The following NEBL variants were observed in gnomAD, a reference collection of about 807,000 sequenced individuals.
The protein encoded by NEBL is nebulette.
A neutral mutation model predicts 140.2 loss-of-function variants in NEBL; 122 were observed. That is an observed-to-expected ratio of 0.87 (90% CI 0.75 to 1.01). NEBL has a LOEUF of 1.01. NEBL is among the 50% of genes least tolerant of loss of function. The pLI is 0.00. For missense variants in NEBL, 1,365 were observed against 1,231.3 expected (o/e 1.11, Z -1.62); for synonymous variants, 436 against 398.9 (o/e 1.09, Z -1.11).
chr10:21,148,633 G>C (rs1339795256), intron 2 of NEBL, among the ~76,000 whole-genome samples: 2 of 151,896 alleles, frequency 1.3e-5, no homozygotes, highest in Non-Finnish European at 2.9e-5. Context: ...GGAAGCGATT[G>C]GCCTGCCTCA....
intron 3 of NEBL, among the ~76,000 whole-genome samples, chr10:20,978,963 T>TA (rs1304125735): frequency 4.6e-5 from 7 of 152,192 alleles, no homozygotes; most frequent in African/African-American, 1.7e-4. Flanking sequence ...ACAGTCATAT[T>TA]ACGGCATCTT....
At chr10:21,237,089 C>T (rs1285642952) in intron 3 of NEBL, among the ~76,000 whole-genome samples, 2 of 152,168 alleles carry the variant, frequency 1.3e-5, no homozygotes, top group South Asian at 2.1e-4. Flanking sequence ...TTTGTAGATC[C>T]CTCTCTACTC....
At chr10:21,212,809 G>A (rs976931568) in intron 3 of NEBL, among the ~76,000 whole-genome samples, 7 of 152,026 alleles carry the variant, frequency 4.6e-5, no homozygotes, top group Admixed American at 2.6e-4. Flanking sequence ...CTTGACTACC[G>A]TTCTCACTCC....
chr10:21,111,204 A>T (rs1276754475), intron 2 of NEBL, among the ~76,000 whole-genome samples: 1 of 152,204 alleles, frequency 6.6e-6, no homozygotes, highest in Non-Finnish European at 1.5e-5. Context: ...ATCCCCAGCA[A>T]GCTATCACTG....
At chr10:21,227,711 T>TTCTTCCTTCTTCTTCTTC (rs1456600511) in intron 3 of NEBL, among the ~76,000 whole-genome samples, 1 of 46,424 alleles carries the variant, frequency 2.2e-5, no homozygotes, top group Admixed American at 2.4e-4. Context: ...CTTCTTCTTC[T>TTCTTCCTTCTTCTTCTTC]TTCTTCTTCT....
chr10:21,290,831 T>A (rs1843132291), intron 1 of NEBL, among the ~76,000 whole-genome samples: 1 of 152,000 alleles, frequency 6.6e-6, no homozygotes, highest in South Asian at 2.1e-4. Flanking sequence ...CTATGAAGAG[T>A]ATATTTAGGC....
rs1838961468 is a variant in NEBL, at chr10:21,024,913, T to C, written c.165-4712A>G. Among the ~76,000 whole-genome samples, 3 of 152,170 alleles carry C rather than the reference T, an allele frequency of 2.0e-5. No homozygotes were observed. The South Asian group carries it at 6.2e-4, about 32-fold the overall frequency. On this transcript the variant is annotated intron_variant, in intron 2 of 6. Transcript: ENST00000417816. Reference sequence around the variant, plus strand: ...GATTATAGAAGAGAGAAGTCAAGCATCTAACACGAATCGGTAGCACCATAC... The same window carrying C: ...GATTATAGAAGAGAGAAGTCAAGCACCTAACACGAATCGGTAGCACCATAC...
chr10:21,040,100 G>A (rs1834203371), intron 2 of NEBL, among the ~76,000 whole-genome samples: 1 of 152,170 alleles, frequency 6.6e-6, no homozygotes, highest in Non-Finnish European at 1.5e-5. Context: ...GGGCGTGGTG[G>A]CCCACACCTG....
intron 3 of NEBL, among the ~76,000 whole-genome samples, chr10:21,192,483 C>T (rs530217751): frequency 7.3e-5 from 11 of 151,346 alleles, no homozygotes; most frequent in African/African-American, 4.8e-5. Context: ...TGAGCCACCG[C>T]GCCCGGCCAA....
At chr10:20,936,108 T>C (rs1834470725) in intron 4 of NEBL, among the ~76,000 whole-genome samples, 1 of 152,196 alleles carries the variant, frequency 6.6e-6, no homozygotes, top group Admixed American at 6.5e-5. Context: ...CATGCCAAAA[T>C]CTTTCCTCCA....
chr10:20,893,399 A>C (rs1291497948), intron 2 of NEBL, among the ~76,000 whole-genome samples: 1 of 152,262 alleles, frequency 6.6e-6, no homozygotes, highest in African/African-American at 2.4e-5. Context: ...TAACAGAAAA[A>C]TAAAAGAGGC....
chr10:20,843,194 A>G (rs1841556532), intron 12 of NEBL, among the ~76,000 whole-genome samples: 1 of 152,024 alleles, frequency 6.6e-6, no homozygotes, highest in Non-Finnish European at 1.5e-5. Flanking sequence ...CTATCCCTCT[A>G]CTGAAGTCAC....
intron 3 of NEBL, among the ~76,000 whole-genome samples, chr10:20,995,074 T>C (rs1234412397): frequency 3.3e-5 from 5 of 152,126 alleles, no homozygotes; most frequent in African/African-American, 1.2e-4. Context: ...CCACATTGGG[T>C]TGGAGAAAAC....
At chr10:20,857,901 A>C (rs1330170763) in intron 9 of NEBL, among the ~76,000 whole-genome samples, 1 of 152,156 alleles carries the variant, frequency 6.6e-6, no homozygotes, top group African/African-American at 2.4e-5. Flanking sequence ...GGCCTGCATA[A>C]AGTAAAATAT....
At chr10:20,965,389 G>A (rs1053139705) in intron 3 of NEBL, among the ~76,000 whole-genome samples, 4 of 152,192 alleles carry the variant, frequency 2.6e-5, no homozygotes, top group Admixed American at 2.6e-4. Flanking sequence ...CAGTAAGAAG[G>A]TGACATTTCA....
chr10:21,073,474 A>C (rs1835912492), intron 2 of NEBL, among the ~76,000 whole-genome samples: 1 of 151,850 alleles, frequency 6.6e-6, no homozygotes, highest in South Asian at 2.1e-4. Flanking sequence ...AAAATTAGGC[A>C]GGCTTGGTGG....
chr10:20,833,647 TCTC>T (rs759401778), intron 14 of NEBL, among the ~76,000 whole-genome samples: 32 of 151,778 alleles, frequency 2.1e-4, no homozygotes, highest in South Asian at 6.2e-4. Context: ...CAAGGATTCT[TCTC>T]CTGCTGGGTT....
chr10:20,915,490 G>A (rs527434639), intron 4 of NEBL, among the ~76,000 whole-genome samples: 1 of 150,290 alleles, frequency 6.7e-6, no homozygotes, highest in Admixed American at 6.7e-5. Context: ...CCACCTATGA[G>A]TGAGAATACA....
intron 3 of NEBL, among the ~76,000 whole-genome samples, chr10:20,995,738 C>T (rs1256554174): frequency 5.3e-5 from 8 of 152,124 alleles, no homozygotes. Context: ...TATTCTTGAG[C>T]AGTTTTCACA....
Sources: allele counts gnomAD v4.1 joint callset (sites outside exome capture counted in the v4.1 genomes callset), GRCh38; gene constraint gnomAD v4.1.1; transcripts MANE v1.5; gene names NCBI Gene and HGNC (gene_info 2026-07-23, HGNC 2026-07-21).